The following PPA2 variants were observed in gnomAD, a reference collection of about 807,000 sequenced individuals.
PPA2 encodes the protein inorganic pyrophosphatase 2, mitochondrial.
PPA2 carries 48 observed loss-of-function variants against 49.5 expected under a neutral mutation model. The observed-to-expected ratio is 0.97, with a 90% CI of 0.77 to 1.23. The LOEUF (loss-of-function observed/expected upper bound fraction) is 1.23. PPA2 is among the 50% of genes most tolerant of loss of function. The pLI is 0.00. For synonymous variants in PPA2, 131 were observed against 139.9 expected (o/e 0.94, Z 0.45); for missense variants, 429 against 410.1 (o/e 1.05, Z -0.40).
At chr4:105,421,602 A>G (rs1723255611) in intron 7 of PPA2, among the ~76,000 whole-genome samples, 2 of 152,204 alleles carry the variant, frequency 1.3e-5, no homozygotes, top group Non-Finnish European at 2.9e-5. Flanking sequence ...TTTATACTAC[A>G]ATCTCTTCTT....
intron 7 of PPA2, chr4:105,405,394 A>T: frequency 1.3e-6 from 1 of 780,338 alleles, no homozygotes; most frequent in Non-Finnish European, 1.6e-6. Flanking sequence ...TTAACAACAG[A>T]CACGTTTACT....
Position 105,463,531 on chromosome 4 carries a change from G to T in PPA2, c.158-6786C>A, listed in dbSNP as rs185462016. Among the ~76,000 whole-genome samples, 267 of 152,354 alleles carry T rather than the reference G, an allele frequency of 1.8e-3. 2 individuals are homozygous for T. The highest frequency in any genetic ancestry group is 2.7e-3 in the Non-Finnish European group (187 of 68,034). On this transcript the variant is annotated intron_variant, in intron 1 of 11. Transcript: ENST00000341695. ...CTGCAGAAATTTGCATAAGTAACAA[G>T]AAGCCAAATGTTCGTCCCCAAGACA...
chr4:105,396,164 T>A (rs1734133359), intron 9 of PPA2, 85 bp downstream of exon 9: 2 of 840,576 alleles, frequency 2.4e-6, no homozygotes, highest in South Asian at 2.2e-5. Flanking sequence ...TTAAAAAAAA[T>A]GCAAAAATCT....
At chr4:105,448,819 AAATT>A (rs1722525485) in intron 4 of PPA2, among the ~76,000 whole-genome samples, 1 of 152,130 alleles carries the variant, frequency 6.6e-6, no homozygotes, top group Non-Finnish European at 1.5e-5. Flanking sequence ...GAAAAAAAGA[AAATT>A]AATATGTATA....
At chr4:105,433,815 A>G (rs1723925902) in intron 6 of PPA2, among the ~76,000 whole-genome samples, 2 of 152,238 alleles carry the variant, frequency 1.3e-5, no homozygotes, top group African/African-American at 4.8e-5. Flanking sequence ...TCTCAAGCCC[A>G]AAAGGAACAT....
chr4:105,418,680 C>T (rs1250128860), intron 7 of PPA2, among the ~76,000 whole-genome samples: 1 of 152,182 alleles, frequency 6.6e-6, no homozygotes, highest in Admixed American at 6.5e-5. Context: ...AATCACTGCA[C>T]AGGTAAACAG....
chr4:105,422,016 A>G (rs1041456796), intron 7 of PPA2, among the ~76,000 whole-genome samples: 2 of 151,916 alleles, frequency 1.3e-5, no homozygotes, highest in African/African-American at 2.4e-5. Flanking sequence ...GCACTCCATC[A>G]TGGAAGGCAG....
At chr4:105,417,715 G>T (rs1723077907) in intron 7 of PPA2, among the ~76,000 whole-genome samples, 3 of 152,070 alleles carry the variant, frequency 2.0e-5, no homozygotes, top group African/African-American at 7.2e-5. Flanking sequence ...ACCCATTAAT[G>T]AAATAAGAGG....
chr4:105,433,557 T>A (rs919145568), intron 6 of PPA2, among the ~76,000 whole-genome samples: 1 of 152,242 alleles, frequency 6.6e-6, no homozygotes, highest in African/African-American at 2.4e-5. Context: ...TCAGCTGCTC[T>A]TTGTGCATGC....
rs747918498 is a variant in PPA2, at chr4:105,474,034, C to G, written c.17G>C (p.Arg6Pro). ...GGCTGGGGCACCCGTGCGCAGCAGC[C>G]GCAGCAGCGCGCTCATGGCGTCAAT... MSALL[R>P]LLRTGAPAAA... The change falls in exon 1 of 12, where the codon CGG (arginine) becomes CCG (proline). Residue 6 changes from arginine to proline, a missense_variant. Transcript: ENST00000341695. The G allele has an allele frequency of 1.7e-5, 27 of 1,591,304 alleles. No homozygotes were observed. Among genetic ancestry groups the G allele is most frequent in the Non-Finnish European group, 2.3e-5 (27 of 1,168,610 alleles).
intron 7 of PPA2, among the ~76,000 whole-genome samples, chr4:105,419,750 C>A (rs1215642540): frequency 2.0e-5 from 3 of 150,898 alleles, no homozygotes; most frequent in African/African-American, 7.3e-5. Context: ...TTATTTATAT[C>A]AAAAAAAATA....
At chr4:105,386,130 C>T (rs566659482) in intron 10 of PPA2, among the ~76,000 whole-genome samples, 1 of 152,166 alleles carries the variant, frequency 6.6e-6, no homozygotes, top group South Asian at 2.1e-4. Flanking sequence ...ATTCACTCAC[C>T]TTGGCCTCCC....
chr4:105,397,022 C>T (rs899792359), intron 8 of PPA2, among the ~76,000 whole-genome samples: 1 of 152,124 alleles, frequency 6.6e-6, no homozygotes, highest in African/African-American at 2.4e-5. Flanking sequence ...ATAGATATAC[C>T]TCTTGTTGGA....
At chr4:105,461,293 T>C (rs1723081927) in intron 1 of PPA2, among the ~76,000 whole-genome samples, 1 of 152,238 alleles carries the variant, frequency 6.6e-6, no homozygotes, top group Admixed American at 6.5e-5. Flanking sequence ...ACGGTGGTGT[T>C]AGCATGATCT....
At chr4:105,470,091 T>A (rs956667847) in intron 1 of PPA2, among the ~76,000 whole-genome samples, 1 of 152,212 alleles carries the variant, frequency 6.6e-6, no homozygotes, top group African/African-American at 2.4e-5. Flanking sequence ...CAGTTGCCTA[T>A]CCCATAATAA....
intron 4 of PPA2, among the ~76,000 whole-genome samples, chr4:105,448,884 C>T (rs1722531762): frequency 6.6e-6 from 1 of 151,832 alleles, no homozygotes; most frequent in African/African-American, 2.4e-5. Context: ...AAAACTATAA[C>T]GTATATACTT....
intron 10 of PPA2, among the ~76,000 whole-genome samples, chr4:105,373,694 C>T (rs1733120824): frequency 6.6e-6 from 1 of 151,674 alleles, no homozygotes; most frequent in Non-Finnish European, 1.5e-5. Flanking sequence ...TTTATTTCTT[C>T]ATTCTTAAAA....
chr4:105,456,695 C>G lies in PPA2; in HGVS notation c.208G>C (p.Val70Leu). The G allele has an allele frequency of 6.2e-7, 1 of 1,605,802 alleles. No individual in the cohort carries two copies. The highest frequency in any genetic ancestry group is 8.5e-7 in the Non-Finnish European group (1 of 1,174,508). Residue 70 changes from valine (V) to leucine (L), a missense_variant, in exon 2 of 12, where the codon GTG (valine) becomes CTG (leucine). Physicochemically the swap from Val to Leu is conservative, Grantham distance 32 (BLOSUM62 1). Coordinates refer to ENST00000341695, the MANE Select transcript of PPA2 (RefSeq NM_176869.3). ...CAAAACAATACCTCTTTAGAGTTCA[C>G]CTTCAGAGGAATATCATGAAAGGGG... ...ISPFHDIPLK[V>L]NSKEENGIPM...
chr4:105,400,846 T>G (rs1734335411), intron 7 of PPA2, among the ~76,000 whole-genome samples: 1 of 151,952 alleles, frequency 6.6e-6, no homozygotes, highest in African/African-American at 2.4e-5. Context: ...GAGGACCCAA[T>G]AAGCAAAGAC....
Sources: gnomAD v4.1 joint callset for allele counts (sites outside exome capture counted in the v4.1 genomes callset) on GRCh38, gnomAD v4.1.1 for gene constraint, MANE v1.5 for transcripts, NCBI Gene and HGNC (gene_info 2026-07-23, HGNC 2026-07-21) for gene names.